The following BBS9 variants were observed in gnomAD, a reference collection of about 807,000 sequenced individuals.
The protein encoded by BBS9 is protein PTHB1.
Under a neutral mutation model 117.7 loss-of-function variants are expected in BBS9, and 89 were observed. The ratio of observed to expected loss-of-function variants is 0.76; its 90% confidence interval spans 0.64 to 0.90. BBS9 has a LOEUF of 0.90. Among genes scored for constraint, BBS9 ranks in the 40% least tolerant of loss-of-function variants. The pLI, the probability that BBS9 is intolerant of heterozygous loss-of-function variation, is 0.00. For synonymous variants in BBS9, 379 were observed against 370.9 expected, an observed-to-expected ratio of 1.02 and a Z score of -0.25; for missense variants, 982 against 1,042.2, an observed-to-expected ratio of 0.94 and a Z score of 0.80.
intron 9 of BBS9, among the ~76,000 whole-genome samples, chr7:33,274,850 C>G (rs889112078): frequency 6.6e-6 from 1 of 151,906 alleles, no homozygotes; most frequent in Admixed American, 6.6e-5. Flanking sequence ...AAAAAATTAG[C>G]CAGGTGTGGC....
chr7:33,269,441 ATC>A (rs10585779), intron 7 of BBS9, among the ~76,000 whole-genome samples: 21,251 of 152,136 alleles, frequency 0.14, 1,812 homozygotes, highest in Non-Finnish European at 0.18. Flanking sequence ...GCAGCTCTGC[ATC>A]TCTCTTGGGT....
chr7:33,500,087 T>C (rs528742873), intron 19 of BBS9, among the ~76,000 whole-genome samples: 1 of 152,378 alleles, frequency 6.6e-6, no homozygotes, highest in East Asian at 1.9e-4. Flanking sequence ...TTCCCATTCT[T>C]ACAAGTTATG....
downstream of BBS9, among the ~76,000 whole-genome samples, chr7:33,608,130 G>T (rs907276094): frequency 2.0e-5 from 3 of 152,034 alleles, no homozygotes; most frequent in South Asian, 6.2e-4. Flanking sequence ...CCACTTATAA[G>T]TGAGAACATG....
intron 21 of BBS9, among the ~76,000 whole-genome samples, chr7:33,592,896 A>G (rs1410210389): frequency 6.6e-6 from 1 of 152,036 alleles, no homozygotes; most frequent in Non-Finnish European, 1.5e-5. Context: ...TGCTCTTACT[A>G]TTTCATTTCA....
At chr7:33,211,109 G>A (rs1277295639) in intron 5 of BBS9, among the ~76,000 whole-genome samples, 1 of 152,054 alleles carries the variant, frequency 6.6e-6, no homozygotes, top group Non-Finnish European at 1.5e-5. Flanking sequence ...ATCGTGTCTT[G>A]TTTTTTCATG....
At chr7:33,349,020 T>C (rs757638089) in intron 12 of BBS9, 48 bp from the exon 13 acceptor site, 11 of 1,308,164 alleles carry the variant, frequency 8.4e-6, no homozygotes, top group Non-Finnish European at 1.2e-5. Context: ...AGTCTATCAG[T>C]TTGAATAAAA....
chr7:33,230,481 A>T (rs1268137037), intron 5 of BBS9, among the ~76,000 whole-genome samples: 1 of 152,204 alleles, frequency 6.6e-6, no homozygotes, highest in Non-Finnish European at 1.5e-5. Flanking sequence ...TGAATTGTAT[A>T]GCGAGTAGTG....
chr7:33,300,173 A>G (rs960833272), intron 9 of BBS9, among the ~76,000 whole-genome samples: 6 of 152,196 alleles, frequency 3.9e-5, no homozygotes, highest in Non-Finnish European at 8.8e-5. Flanking sequence ...GATGGACACA[A>G]TCAATCCTGG....
chr7:33,569,483 C>A (rs1248198209), intron 21 of BBS9, among the ~76,000 whole-genome samples: 1 of 151,594 alleles, frequency 6.6e-6, no homozygotes, highest in Non-Finnish European at 1.5e-5. Context: ...AGGCCGGGCG[C>A]AGTGGCCCAC....
chr7:33,201,626 C>G (rs983660766), intron 5 of BBS9, among the ~76,000 whole-genome samples: 3 of 152,066 alleles, frequency 2.0e-5, no homozygotes, highest in African/African-American at 7.2e-5. Flanking sequence ...TGTTCACTTT[C>G]CATTTTCACA....
rs1211754868 is a variant in BBS9, at chr7:33,177,549, A to G, written c.400A>G (p.Thr134Ala). Residue 134 changes from threonine (T) to alanine (A), a missense_variant, in exon 5 of 23, where the codon ACA becomes GCA. By Grantham distance (58) the Thr-to-Ala change is moderately conservative (BLOSUM62 0). Coordinates refer to ENST00000242067, the MANE Select transcript of BBS9 (RefSeq NM_198428.3). ...KLMYEHNLQRTACNMTYGSFG... is the reference protein window; with the variant it reads ...KLMYEHNLQRAACNMTYGSFG... The stretch of plus-strand genomic sequence containing the variant: ...GATGTATGAACATAATCTTCAGAGA[A>G]CAGCCTGCAATATGACCTATGGATC... The G allele has an allele frequency of 6.2e-7, 1 of 1,613,612 alleles. No individual in the cohort carries two copies. The highest frequency in any genetic ancestry group is 1.3e-5 in the African/African-American group (1 of 74,898).
At chr7:33,308,390 T>C (rs1270112143) in intron 9 of BBS9, among the ~76,000 whole-genome samples, 3 of 152,196 alleles carry the variant, frequency 2.0e-5, no homozygotes, top group Non-Finnish European at 4.4e-5. Context: ...TTATCAAGAT[T>C]AGCCTAACTT....
chr7:33,271,483 T>C (rs1359222513), intron 7 of BBS9, among the ~76,000 whole-genome samples: 1 of 152,164 alleles, frequency 6.6e-6, no homozygotes, highest in African/African-American at 2.4e-5. Flanking sequence ...TCTCACATGC[T>C]GTACACCTGT....
chr7:33,403,422 G>A (rs1418163355), intron 19 of BBS9, among the ~76,000 whole-genome samples: 3 of 149,022 alleles, frequency 2.0e-5, no homozygotes, highest in Non-Finnish European at 4.5e-5. Context: ...CCATTAACTC[G>A]TCATTTAGCA....
chr7:33,203,329 G>T (rs1412584909), intron 5 of BBS9, among the ~76,000 whole-genome samples: 1 of 152,168 alleles, frequency 6.6e-6, no homozygotes, highest in African/African-American at 2.4e-5. Context: ...CCCATTCTCA[G>T]AGTTTCTGAT....
At chr7:33,250,534 T>A (rs905222226) in intron 5 of BBS9, among the ~76,000 whole-genome samples, 30 of 152,220 alleles carry the variant, frequency 2.0e-4, no homozygotes, top group African/African-American at 7.2e-4. Context: ...CTGTTCTTTC[T>A]ATTCCCATTA....
intron 21 of BBS9, among the ~76,000 whole-genome samples, chr7:33,570,863 G>T (rs749367589): frequency 6.6e-6 from 1 of 152,116 alleles, no homozygotes; most frequent in Admixed American, 6.5e-5. Flanking sequence ...AAAATAATTC[G>T]TCAGTATGCT....
chr7:33,229,520 T>C (rs1791925051), intron 5 of BBS9, among the ~76,000 whole-genome samples: 1 of 152,192 alleles, frequency 6.6e-6, no homozygotes, highest in Admixed American at 6.5e-5. Context: ...TATTTCCTTT[T>C]GCATAATATC....
At position 33,540,340 on chromosome 7, in the gene BBS9, G is replaced by C. The variant is rs538205404; in HGVS notation, c.2521+6164G>C. ...TTCATAAATCACAGAAGGACATAAA[G>C]GTGGATACATTGATATGGAAGCAGG... On this transcript the variant is annotated intron_variant, in intron 21 of 22. Coordinates refer to ENST00000242067, the MANE Select transcript of BBS9 (RefSeq NM_198428.3). Among the ~76,000 whole-genome samples the C allele has an allele frequency of 2.1e-4, 32 of 152,234 alleles. No individual in the cohort carries two copies. In the South Asian group the frequency reaches 6.2e-3, roughly 30 times the overall value.
Sources: allele counts gnomAD v4.1 joint callset (sites outside exome capture counted in the v4.1 genomes callset), GRCh38; gene constraint gnomAD v4.1.1; transcripts MANE v1.5; gene names NCBI Gene and HGNC (gene_info 2026-07-23, HGNC 2026-07-21).